The following MCM9 variants were observed in gnomAD, a reference collection of about 807,000 sequenced individuals.
MCM9 encodes DNA helicase MCM9.
MCM9 carries 55 observed loss-of-function variants against 72.8 expected under a neutral mutation model. The observed-to-expected ratio is 0.76, with a 90% CI of 0.61 to 0.95. MCM9 has a LOEUF of 0.95. Ranked by LOEUF, MCM9 falls within the 40% of genes least tolerant of loss-of-function variation. The pLI is 0.00. For missense variants in MCM9, 1,279 were observed against 1,377.0 expected, an observed-to-expected ratio of 0.93 and a Z score of 1.13; for synonymous variants, 480 against 503.4, an observed-to-expected ratio of 0.95 and a Z score of 0.62.
intron 8 of MCM9, among the ~76,000 whole-genome samples, chr6:118,887,007 A>C (rs1778648437): frequency 6.6e-6 from 1 of 152,198 alleles, no homozygotes; most frequent in African/African-American, 2.4e-5. Context: ...ACTCAAAGAA[A>C]TTAAAGGCGA....
chr6:118,915,861 A>T (rs1432868948), intron 6 of MCM9, among the ~76,000 whole-genome samples: 1 of 152,244 alleles, frequency 6.6e-6, no homozygotes, highest in Non-Finnish European at 1.5e-5. Flanking sequence ...TAAATGGCTC[A>T]TGCAACAGTA....
chr6:118,911,471 G>A (rs1460866248), intron 8 of MCM9, 179 bp downstream of exon 8: 2 of 1,314,626 alleles, frequency 1.5e-6, no homozygotes, highest in Non-Finnish European at 1.9e-6. Flanking sequence ...TGAAGGTGGA[G>A]CTTGCAAGAT....
intron 10 of MCM9, 91 bp from the exon 11 acceptor site, chr6:118,828,221 T>A: frequency 9.7e-7 from 1 of 1,026,214 alleles, no homozygotes; most frequent in East Asian, 2.6e-5. Context: ...ACTCATTTGT[T>A]AAAAGATAAC....
intron 6 of MCM9, among the ~76,000 whole-genome samples, chr6:118,917,030 A>G (rs1781019459): frequency 6.6e-6 from 1 of 152,178 alleles, no homozygotes; most frequent in Non-Finnish European, 1.5e-5. Context: ...TACAAACCCA[A>G]TGGCTGTGAT....
At chr6:118,860,478 T>G (rs1776830696) in intron 8 of MCM9, among the ~76,000 whole-genome samples, 1 of 152,064 alleles carries the variant, frequency 6.6e-6, no homozygotes, top group Admixed American at 6.5e-5. Context: ...ACAAAAGGTG[T>G]AACATACATG....
intron 8 of MCM9, among the ~76,000 whole-genome samples, chr6:118,871,324 T>C (rs1777581122): frequency 6.6e-6 from 1 of 152,236 alleles, no homozygotes; most frequent in Admixed American, 6.5e-5. Context: ...TGGTTCCACA[T>C]ATGCTAATCA....
chr6:118,903,405 T>C (rs996065225), intron 8 of MCM9, among the ~76,000 whole-genome samples: 1 of 152,030 alleles, frequency 6.6e-6, no homozygotes, highest in African/African-American at 2.4e-5. Context: ...GATTTACAAA[T>C]GAATTCCAAA....
intron 5 of MCM9, chr6:118,921,115 T>C (rs1334637560): frequency 2.0e-5 from 3 of 152,344 alleles, no homozygotes; most frequent in African/African-American, 7.2e-5. Context: ...GTCTTTAAAT[T>C]GCCTGGAACA....
chr6:118,823,447 T>C (rs750567914), intron 13 of MCM9, among the ~76,000 whole-genome samples: 51 of 152,270 alleles, frequency 3.3e-4, no homozygotes, highest in Middle Eastern at 3.4e-3. Flanking sequence ...GTAGTCCCAA[T>C]GCGATGAACT....
intron 10 of MCM9, 21 bp downstream of exon 10, chr6:118,829,027 G>T: frequency 2.6e-6 from 4 of 1,545,386 alleles, no homozygotes. Flanking sequence ...TATTTTGAAT[G>T]CTTTGTTTGT....
Position 118,931,701 on chromosome 6 carries a change from A to C in MCM9, c.23T>G (p.Leu8Arg), listed in dbSNP as rs1259352607. 6.2e-7 allele frequency: 1 copy of C among 1,612,640 alleles called. No individual in the cohort carries two copies. The highest frequency in any genetic ancestry group is 8.5e-7 in the Non-Finnish European group (1 of 1,178,812). Reference protein sequence around the residue: MNSDQVTLVGQVFESYVS... With the variant: MNSDQVTRVGQVFESYVS... Reference sequence around the variant, plus strand: ...ATATGACTCAAACACTTGACCAACCAGTGTAACTTGATCGCTATTCATCTT... The same window carrying C: ...ATATGACTCAAACACTTGACCAACCCGTGTAACTTGATCGCTATTCATCTT... Residue 8 changes from leucine to arginine, a missense_variant, in exon 3 of 14, where the codon CTG becomes CGG. Leu to Arg is a moderately radical substitution (Grantham distance 102, BLOSUM62 -2). Coordinates refer to ENST00000619706, the MANE Select transcript of MCM9 (RefSeq NM_017696.3).
chr6:118,851,314 C>T (rs1776211824), intron 9 of MCM9, among the ~76,000 whole-genome samples: 1 of 151,736 alleles, frequency 6.6e-6, no homozygotes, highest in African/African-American at 2.4e-5. Flanking sequence ...AGAACCCAAG[C>T]TCTGTTACTA....
chr6:118,852,534 C>T (rs1771774), intron 9 of MCM9, among the ~76,000 whole-genome samples: 11,611 of 152,152 alleles, frequency 0.076, 687 homozygotes, highest in East Asian at 0.19. Context: ...TATTACTTTA[C>T]ATAACCTTCC....
At chr6:118,828,542 C>G (rs11753816) in intron 10 of MCM9, among the ~76,000 whole-genome samples, 4 of 152,072 alleles carry the variant, frequency 2.6e-5, no homozygotes, top group Admixed American at 1.3e-4. Flanking sequence ...TGCACCACCA[C>G]GCCCAGCTGA....
At chr6:118,908,885 G>A (rs1426962762) in intron 8 of MCM9, 1 of 152,546 alleles carries the variant, frequency 6.6e-6, no homozygotes, top group Admixed American at 6.6e-5. Flanking sequence ...AAGCTTTTAT[G>A]TTGAGGAAAG....
chr6:118,908,917 A>G (rs915350264), intron 8 of MCM9: 12 of 152,630 alleles, frequency 7.9e-5, no homozygotes, highest in African/African-American at 2.9e-4. Flanking sequence ...TTGTCTAAAC[A>G]TGGATTCTGA....
intron 5 of MCM9, 52 bp downstream of exon 5, chr6:118,921,953 C>A: frequency 7.2e-7 from 1 of 1,385,082 alleles, no homozygotes. Context: ...TTTTCCTAAT[C>A]AATACTTTAG....
chr6:118,850,886 G>A (rs998210412), intron 9 of MCM9, among the ~76,000 whole-genome samples: 3 of 151,816 alleles, frequency 2.0e-5, no homozygotes, highest in African/African-American at 4.9e-5. Context: ...ATGCAGTGGC[G>A]TGATCATAGC....
At position 118,902,316 on chromosome 6, in the gene MCM9, TA is replaced by T. The variant is rs148488256; in HGVS notation, c.1150+9333del. Among the ~76,000 whole-genome samples the T allele has an allele frequency of 6.5e-3, 993 of 152,258 alleles. 7 individuals carry two copies. Among genetic ancestry groups the T allele is most frequent in the African/African-American group, 0.022 (924 of 41,562 alleles). ...AAATGTGGATAATATTCTATCTCAT[TA>T]AAATGTTATGGGGAATAAAACAGTA... On this transcript the variant is annotated intron_variant, in intron 8 of 13. Coordinates refer to ENST00000619706, the MANE Select transcript of MCM9 (RefSeq NM_017696.3).
Sources: gnomAD v4.1 joint callset for allele counts (sites outside exome capture counted in the v4.1 genomes callset) on GRCh38, gnomAD v4.1.1 for gene constraint, MANE v1.5 for transcripts, NCBI Gene and HGNC (gene_info 2026-07-23, HGNC 2026-07-21) for gene names.